The following ZFYVE1 variants were observed in gnomAD, a reference collection of about 807,000 sequenced individuals.
ZFYVE1 encodes zinc finger FYVE-type containing 1.
In ZFYVE1, 30 loss-of-function variants were observed where a neutral mutation model predicts 74.4. The observed-to-expected ratio is 0.40, with a 90% CI of 0.30 to 0.55. ZFYVE1 has a LOEUF of 0.55. Among genes scored for constraint, ZFYVE1 ranks in the 20% least tolerant of loss-of-function variants. The probability of loss-of-function intolerance (pLI) is 0.42; values close to 1 mark genes in which losing one functional copy is unlikely to be tolerated. For missense variants in ZFYVE1, 703 were observed against 1,011.6 expected (o/e 0.69, Z 4.14); for synonymous variants, 335 against 385.1 (o/e 0.87, Z 1.52).
At chr14:72,981,661 T>C in intron 5 of ZFYVE1, 128 bp downstream of exon 5, 1 of 873,610 alleles carries the variant, frequency 1.1e-6, no homozygotes, top group South Asian at 1.5e-5. Flanking sequence ...TTTTGGATAA[T>C]TTAAATCAGA....
intron 5 of ZFYVE1, among the ~76,000 whole-genome samples, chr14:72,980,532 AATTAATTTATTT>A (rs776151590): frequency 0.11 from 10,815 of 96,654 alleles, 541 homozygotes; most frequent in Middle Eastern, 0.23. Flanking sequence ...CCTGAGAATT[AATTAATTTATTT>A]ATTTATTTAT....
chr14:72,972,415 T>C (rs575172770), intron 11 of ZFYVE1, among the ~76,000 whole-genome samples: 4 of 152,336 alleles, frequency 2.6e-5, no homozygotes, highest in South Asian at 4.1e-4. Flanking sequence ...AGGACAGTTC[T>C]TGCCTCTCCC....
intron 4 of ZFYVE1, among the ~76,000 whole-genome samples, chr14:72,992,338 G>A (rs1893632987): frequency 6.6e-6 from 1 of 152,178 alleles, no homozygotes; most frequent in Non-Finnish European, 1.5e-5. Context: ...GTGGTTATGA[G>A]AAGGAGCTCT....
chr14:73,016,438 G>A (rs879606398), intron 2 of ZFYVE1, among the ~76,000 whole-genome samples: 1 of 151,940 alleles, frequency 6.6e-6, no homozygotes, highest in African/African-American at 2.4e-5. Flanking sequence ...GTGAACCCAG[G>A]AGGTGGAGCT....
intron 3 of ZFYVE1, among the ~76,000 whole-genome samples, chr14:72,995,165 G>T (rs1463602360): frequency 6.6e-6 from 1 of 152,122 alleles, no homozygotes; most frequent in African/African-American, 2.4e-5. Context: ...TGCAATCTCG[G>T]CTCACTGCAA....
chr14:72,986,646 C>T (rs1323992967), intron 4 of ZFYVE1, among the ~76,000 whole-genome samples: 1 of 151,058 alleles, frequency 6.6e-6, no homozygotes, highest in Non-Finnish European at 1.5e-5. Context: ...CTGCAATCTC[C>T]GCCTCCCAAG....
rs1893262198 is a variant in ZFYVE1 at position 72,979,272 on chromosome 14, G to A, written c.1311-303C>T. 6 of 305,748 alleles carry A rather than the reference G, an allele frequency of 2.0e-5. 1 individual carries two copies. The South Asian group carries it at 2.1e-4, about 11-fold the overall frequency. 18.9% of individuals were successfully genotyped at this position (305,748 alleles called of 1,614,324 possible). A position where few individuals can be genotyped will look rare whatever the true frequency, so the allele number is the denominator to read the frequency against. On this transcript the variant is annotated intron_variant, in intron 5 of 11. Coordinates refer to ENST00000556143, the MANE Select transcript of ZFYVE1 (RefSeq NM_021260.4). ...CCCAGTACTTTGGGAGGCCGACGGG[G>A]GCAGATCACTTCAGGTCAGAAGTTC...
At chr14:72,989,451 G>A (rs1052610096) in intron 4 of ZFYVE1, among the ~76,000 whole-genome samples, 25 of 152,308 alleles carry the variant, frequency 1.6e-4, no homozygotes, top group African/African-American at 5.8e-4. Flanking sequence ...TCTACAGACT[G>A]AGGAGGGGGG....
Position 73,025,693 on chromosome 14 carries a change from CAAAAAA to C in ZFYVE1, c.-434-757_-434-752del, listed in dbSNP as rs34131740. Among the ~76,000 whole-genome samples, 4 of 76,240 alleles carry C rather than the reference CAAAAAA, an allele frequency of 5.2e-5. No homozygotes were observed. The East Asian group carries it at 1.6e-3, about 30-fold the overall frequency. 50.0% of individuals were successfully genotyped at this position (76,240 alleles called of 152,430 possible). ...CCTGGAAGACAGGGCAAGACTCCCT[CAAAAAA>C]AAAAAAAAAAAAAAAAATCTCAAAA... On this transcript the variant is annotated intron_variant, in intron 1 of 11. Coordinates refer to ENST00000556143, the MANE Select transcript of ZFYVE1 (RefSeq NM_021260.4).
chr14:73,016,633 G>C (rs563844234), intron 2 of ZFYVE1, among the ~76,000 whole-genome samples: 1 of 151,890 alleles, frequency 6.6e-6, no homozygotes, highest in East Asian at 1.9e-4. Context: ...TGTAATCCCA[G>C]CACTTTGGGA....
chr14:73,026,133 G>GAA (rs1309344308), intron 1 of ZFYVE1, among the ~76,000 whole-genome samples: 12 of 95,756 alleles, frequency 1.3e-4, no homozygotes, highest in Admixed American at 2.4e-4. Flanking sequence ...TTCACTAACT[G>GAA]AAAAAAAAAA....
intron 5 of ZFYVE1, among the ~76,000 whole-genome samples, chr14:72,980,513 T>A (rs1893292180): frequency 6.6e-6 from 1 of 152,042 alleles, no homozygotes; most frequent in South Asian, 2.1e-4. Flanking sequence ...CCCATGAACA[T>A]CAGCATCACC....
chr14:72,978,296 C>A, intron 6 of ZFYVE1, 62 bp from the exon 7 acceptor site: 2 of 1,542,828 alleles, frequency 1.3e-6, no homozygotes, highest in Middle Eastern at 2.2e-4. Flanking sequence ...TTAATAGACA[C>A]GGGGTTTTAC....
rs531932222 is a variant in ZFYVE1 at position 72,971,197 on chromosome 14, C to T, written c.2102-83G>A. On this transcript the variant is annotated intron_variant, in intron 11 of 11. Coordinates refer to ENST00000556143, the MANE Select transcript of ZFYVE1 (RefSeq NM_021260.4). ...GCAAGAGGCCATCCTCGGATGCTTA[C>T]TGGCTTATAATCCCAACTGCACACA... is the stretch of plus-strand genomic sequence containing the variant. 1.5e-3 allele frequency: 2,181 copies of T among 1,415,192 alleles called. 6 individuals are homozygous for T. The highest frequency in any genetic ancestry group is 2.0e-3 in the Non-Finnish European group (2,029 of 1,024,406). The allele number at this position is 1,415,192 out of a possible 1,614,324, so 87.7% of individuals were successfully genotyped here.
intron 5 of ZFYVE1, among the ~76,000 whole-genome samples, chr14:72,980,482 A>C (rs1893291450): frequency 6.6e-6 from 1 of 152,224 alleles, no homozygotes; most frequent in Non-Finnish European, 1.5e-5. Context: ...AAACTAATCC[A>C]GTGATCCTCA....
intron 4 of ZFYVE1, among the ~76,000 whole-genome samples, chr14:72,992,549 T>C (rs1290078577): frequency 1.3e-5 from 2 of 152,054 alleles, no homozygotes; most frequent in Non-Finnish European, 2.9e-5. Flanking sequence ...AGTAGTGTTA[T>C]TGTGTATCTA....
At chr14:72,971,215 T>C in intron 11 of ZFYVE1, 101 bp from the exon 12 acceptor site, 1 of 1,183,982 alleles carries the variant, frequency 8.4e-7, no homozygotes, top group Non-Finnish European at 1.2e-6. Context: ...TAATCCCAAC[T>C]GCACACAGAA....
chr14:73,011,344 G>A (rs1211376016), intron 2 of ZFYVE1, among the ~76,000 whole-genome samples: 1 of 151,732 alleles, frequency 6.6e-6, no homozygotes, highest in Admixed American at 6.6e-5. Context: ...AAAATTAACC[G>A]GGAGTGGTGG....
Position 72,984,143 on chromosome 14 carries a change from G to A in ZFYVE1, c.1204-2248C>T, listed in dbSNP as rs148657059. Among the ~76,000 whole-genome samples, 19 of 152,278 alleles carry A rather than the reference G, an allele frequency of 1.2e-4. No individual in the cohort carries two copies. The East Asian group carries it at 3.7e-3, about 29-fold the overall frequency. On this transcript the variant is annotated intron_variant, in intron 4 of 11. Transcript: ENST00000556143. The stretch of plus-strand genomic sequence containing the variant: ...AGAACACCATCCGTCAGCCACGGCT[G>A]ACCAAGCGGCAACCCTGGACTTCAA...
Sources: gnomAD v4.1 joint callset for allele counts (sites outside exome capture counted in the v4.1 genomes callset) on GRCh38, gnomAD v4.1.1 for gene constraint, MANE v1.5 for transcripts, NCBI Gene and HGNC (gene_info 2026-07-23, HGNC 2026-07-21) for gene names.